WDR7: variants seen among roughly 807,000 people sequenced by gnomAD.
WDR7 encodes the protein WD repeat-containing protein 7.
A neutral mutation model predicts 169.4 loss-of-function variants in WDR7; 46 were observed. The observed-to-expected ratio is 0.27, with a 90% confidence interval of 0.21 to 0.35. The LOEUF is 0.35. Among genes scored for constraint, WDR7 ranks in the 10% least tolerant of loss-of-function variants. The pLI is 1.00. For synonymous variants in WDR7, 612 were observed against 666.8 expected (o/e 0.92, Z 1.27); for missense variants, 1,534 against 1,859.3 (o/e 0.83, Z 3.22).
chr18:56,994,511 A>G (rs1347815278), intron 26 of WDR7, among the ~76,000 whole-genome samples: 3 of 152,182 alleles, frequency 2.0e-5, no homozygotes, highest in Non-Finnish European at 4.4e-5. Context: ...TAAAAAAAAG[A>G]GTTTGTTCAC....
chr18:56,654,703 A>G (rs2024729942), intron 1 of WDR7, among the ~76,000 whole-genome samples: 1 of 152,150 alleles, frequency 6.6e-6, no homozygotes, highest in Non-Finnish European at 1.5e-5. Context: ...TTTTGGCTAT[A>G]TGGTTGTATT....
chr18:56,804,299 A>G (rs1312743689), intron 19 of WDR7, among the ~76,000 whole-genome samples: 2 of 152,238 alleles, frequency 1.3e-5, no homozygotes, highest in Non-Finnish European at 2.9e-5. Context: ...AAAATTCCAA[A>G]TATTGAAATC....
At chr18:56,938,375 T>C (rs1023079397) in intron 23 of WDR7, among the ~76,000 whole-genome samples, 158 bp from the exon 24 acceptor site, 3 of 152,232 alleles carry the variant, frequency 2.0e-5, no homozygotes, top group African/African-American at 4.8e-5. Context: ...GAGTTTTTAT[T>C]ATACTAAGTA....
chr18:56,877,492 C>T (rs927097882), intron 20 of WDR7, among the ~76,000 whole-genome samples: 31 of 152,072 alleles, frequency 2.0e-4, no homozygotes, highest in Admixed American at 3.3e-4. Context: ...TGAGAGTGAA[C>T]GTTACTTAAC....
chr18:56,700,480 C>G (rs1414797092), intron 12 of WDR7, among the ~76,000 whole-genome samples: 1 of 151,244 alleles, frequency 6.6e-6, no homozygotes, highest in Non-Finnish European at 1.5e-5. Flanking sequence ...TGGTCTCGAT[C>G]TCTCGACCTC....
intron 20 of WDR7, among the ~76,000 whole-genome samples, chr18:56,834,985 G>A (rs1462973413): frequency 6.6e-6 from 1 of 152,158 alleles, no homozygotes; most frequent in East Asian, 1.9e-4. Flanking sequence ...TAACTGCTGA[G>A]CAGGCCCCAG....
chr18:56,657,704 A>T (rs2024808271), intron 1 of WDR7, among the ~76,000 whole-genome samples: 1 of 152,220 alleles, frequency 6.6e-6, no homozygotes, highest in Admixed American at 6.5e-5. Context: ...CTTTGTCTGT[A>T]TCTGATTCTT....
At position 56,962,526 on chromosome 18, in the gene WDR7, T is replaced by G. The variant is rs1291421657; in HGVS notation, c.4161T>G (p.Cys1387Trp). The G allele has an allele frequency of 6.2e-7, 1 of 1,612,634 alleles. No individual in the cohort carries two copies. Among genetic ancestry groups the G allele is most frequent in the Non-Finnish European group, 8.5e-7 (1 of 1,179,058 alleles). The change falls in exon 26 of 28, where the codon TGT (cysteine) becomes TGG (tryptophan). Residue 1387 changes from cysteine to tryptophan, a missense_variant. Physicochemically the swap from Cys to Trp is radical, Grantham distance 215. Coordinates refer to ENST00000254442, the MANE Select transcript of WDR7 (RefSeq NM_015285.3). ...TGTACGACATCCGGACTGGAAAATG[T>G]CAGGTAAATAAATCATTGTGACTTC... is the stretch of plus-strand genomic sequence containing the variant. ...VALYDIRTGK[C>W]QTIHGHKGPI...
chr18:56,837,730 G>A (rs1316237899), intron 20 of WDR7, among the ~76,000 whole-genome samples: 1 of 151,900 alleles, frequency 6.6e-6, no homozygotes, highest in Non-Finnish European at 1.5e-5. Context: ...GCGTGATCTC[G>A]GCTTACTGCA....
At chr18:57,018,695 CAGGTTAAGG>C (rs1178141690) in intron 26 of WDR7, among the ~76,000 whole-genome samples, 1 of 152,190 alleles carries the variant, frequency 6.6e-6, no homozygotes, top group Non-Finnish European at 1.5e-5. Flanking sequence ...TATCTAATTT[CAGGTTAAGG>C]GTTTTGAGTT....
chr18:56,766,011 T>C, intron 16 of WDR7, among the ~76,000 whole-genome samples: 1 of 150,454 alleles, frequency 6.6e-6, no homozygotes, highest in Non-Finnish European at 1.5e-5. Context: ...TGTTTGTCTT[T>C]GTTTTTGAAA....
intron 19 of WDR7, among the ~76,000 whole-genome samples, chr18:56,791,201 T>C (rs2044480029): frequency 6.6e-6 from 1 of 152,160 alleles, no homozygotes; most frequent in Admixed American, 6.5e-5. Flanking sequence ...GAAAAGATGA[T>C]GAAACTTAAC....
chr18:56,762,848 C>G (rs1408761681), intron 16 of WDR7, among the ~76,000 whole-genome samples: 1 of 149,018 alleles, frequency 6.7e-6, no homozygotes, highest in African/African-American at 2.5e-5. Context: ...TCCATTTTGG[C>G]GAAATGCCTA....
intron 27 of WDR7, among the ~76,000 whole-genome samples, chr18:57,026,313 A>T (rs1214618084): frequency 2.0e-5 from 3 of 152,260 alleles, no homozygotes; most frequent in Admixed American, 2.0e-4. Flanking sequence ...ATCAATTGAT[A>T]AAAAGGTATT....
downstream of WDR7, chr18:57,032,801 T>TTATTTTTATATATATATATATA (rs1210749361): frequency 2.8e-5 from 3 of 106,192 alleles, no homozygotes; most frequent in African/African-American, 9.6e-5. Context: ...TATAATTATT[T>TTATTTTTATATATATATATATA]TATATATATA....
At chr18:56,690,078 TAAC>T (rs1316052854) in intron 7 of WDR7, among the ~76,000 whole-genome samples, 1 of 152,334 alleles carries the variant, frequency 6.6e-6, no homozygotes, top group South Asian at 2.1e-4. Flanking sequence ...GAAAATTTTC[TAAC>T]AACATTTAAT....
chr18:56,674,062 G>T (rs746121804), intron 2 of WDR7, among the ~76,000 whole-genome samples: 7 of 152,246 alleles, frequency 4.6e-5, no homozygotes, highest in Middle Eastern at 3.4e-3. Context: ...TGGCCCTTAT[G>T]AGTAATGCTG....
chr18:56,957,694 A>G (rs867957728), intron 25 of WDR7, among the ~76,000 whole-genome samples: 1 of 152,146 alleles, frequency 6.6e-6, no homozygotes, highest in South Asian at 2.1e-4. Flanking sequence ...TTAGCTGCAC[A>G]TAGTAGTAGT....
chr18:56,717,369 G>A (rs757259029), intron 12 of WDR7, among the ~76,000 whole-genome samples: 2 of 152,162 alleles, frequency 1.3e-5, no homozygotes, highest in Admixed American at 6.5e-5. Flanking sequence ...CATTTAATTG[G>A]CTATTGTGTG....
Sources: gnomAD v4.1 joint callset for allele counts (sites outside exome capture counted in the v4.1 genomes callset) on GRCh38, gnomAD v4.1.1 for gene constraint, MANE v1.5 for transcripts, NCBI Gene and HGNC (gene_info 2026-07-23, HGNC 2026-07-21) for gene names.